Variants in RBMS2 observed in about 807,000 individuals in gnomAD.
RBMS2 encodes RNA binding motif single stranded interacting protein 2, also known as RNA-binding motif, single-stranded-interacting protein 2.
In RBMS2, 38 loss-of-function variants were observed where a neutral mutation model predicts 58.4. The observed-to-expected ratio is 0.65, with a 90% CI of 0.50 to 0.85. The LOEUF (loss-of-function observed/expected upper bound fraction) is 0.85. Ranked by LOEUF, RBMS2 falls within the 40% of genes least tolerant of loss-of-function variation. The pLI, the probability that RBMS2 is intolerant of heterozygous loss-of-function variation, is 0.00. For synonymous variants in RBMS2, 151 were observed against 180.7 expected (o/e 0.84, Z 1.32); for missense variants, 367 against 503.7 (o/e 0.73, Z 2.60).
chr12:56,588,531 C>A, intron 12 of RBMS2, 157 bp downstream of exon 12: 1 of 674,676 alleles, frequency 1.5e-6, no homozygotes, highest in Non-Finnish European at 2.6e-6. Flanking sequence ...CTCGCTTCGG[C>A]AGCATGCATA....
intron 2 of RBMS2, 93 bp downstream of exon 2, chr12:56,562,676 C>A: frequency 7.3e-7 from 1 of 1,366,692 alleles, no homozygotes; most frequent in Non-Finnish European, 1.0e-6. Flanking sequence ...TAGTCTTGAA[C>A]TCCTGGGCTC....
intron 1 of RBMS2, among the ~76,000 whole-genome samples, chr12:56,526,687 C>T (rs1365991363): frequency 9.3e-6 from 1 of 107,870 alleles, no homozygotes; most frequent in Non-Finnish European, 1.9e-5. Flanking sequence ...AAAAAAAAGG[C>T]TGAAGTAAAA....
At chr12:56,560,568 T>A (rs2136407468) in intron 1 of RBMS2, among the ~76,000 whole-genome samples, 1 of 152,208 alleles carries the variant, frequency 6.6e-6, no homozygotes, top group East Asian at 1.9e-4. Flanking sequence ...CTAATTTTTG[T>A]ATTTTTTGTA....
chr12:56,551,862 C>T (rs1878321041), intron 1 of RBMS2, among the ~76,000 whole-genome samples: 1 of 152,108 alleles, frequency 6.6e-6, no homozygotes, highest in Non-Finnish European at 1.5e-5. Flanking sequence ...CCGAGGTGGG[C>T]AGATCACCTG....
intron 1 of RBMS2, among the ~76,000 whole-genome samples, chr12:56,537,444 A>G (rs2657897): frequency 0.61 from 93,077 of 151,620 alleles, 28,993 homozygotes; most frequent in East Asian, 0.8. Flanking sequence ...GAATCATACA[A>G]TATTTTTGTG....
In RBMS2 at chr12:56,591,330, A is replaced by T. The variant is rs1004519237; in HGVS notation, c.*2197A>T. 2.0e-5 allele frequency: 3 copies of T among 152,146 alleles called. No homozygotes were observed. Among genetic ancestry groups the T allele is most frequent in the Non-Finnish European group, 4.4e-5 (3 of 68,078 alleles). The allele number at this position is 152,146 out of a possible 1,614,324, so 9.4% of individuals were successfully genotyped here. ...TTCCCTCCCTTCCCAGCCACCCTAG[A>T]ATTGAGAGTCCCAGTGCCCCTAGTG... On this transcript the variant is annotated 3_prime_UTR_variant, in exon 14 of 14. Transcript: ENST00000262031.
At chr12:56,562,250 TCTC>T (rs958072705) in intron 1 of RBMS2, among the ~76,000 whole-genome samples, 164 bp from the exon 2 acceptor site, 1 of 152,210 alleles carries the variant, frequency 6.6e-6, no homozygotes, top group African/African-American at 2.4e-5. Context: ...AATTTCTTCT[TCTC>T]TGCTAAAATA....
intron 2 of RBMS2, among the ~76,000 whole-genome samples, chr12:56,565,046 A>C (rs1292653356): frequency 1.3e-5 from 2 of 152,172 alleles, no homozygotes; most frequent in Non-Finnish European, 2.9e-5. Flanking sequence ...AAAATGGTGT[A>C]GTATTTGCAT....
At chr12:56,585,159 C>T (rs928227126) in intron 9 of RBMS2, among the ~76,000 whole-genome samples, 6 of 151,922 alleles carry the variant, frequency 3.9e-5, no homozygotes, top group Non-Finnish European at 5.9e-5. Context: ...TATTCTCTGT[C>T]TCTATACTGT....
At chr12:56,546,707 G>A (rs906565998) in intron 1 of RBMS2, among the ~76,000 whole-genome samples, 1 of 151,846 alleles carries the variant, frequency 6.6e-6, no homozygotes, top group African/African-American at 2.4e-5. Flanking sequence ...GGCCTCAAAT[G>A]ATCCGACTGC....
intron 5 of RBMS2, among the ~76,000 whole-genome samples, chr12:56,575,925 C>T (rs146473403): frequency 1.3e-5 from 2 of 152,042 alleles, no homozygotes; most frequent in East Asian, 3.9e-4. Context: ...AGTGGTCCCC[C>T]CTTATTTATG....
rs567913343 is a variant in RBMS2 at position 56,580,292 on chromosome 12, G to A, written c.543-892G>A. 108 of 420,296 alleles carry A rather than the reference G, an allele frequency of 2.6e-4. 1 individual carries two copies. Among genetic ancestry groups the A allele is most frequent in the South Asian group, 1.7e-3 (106 of 60,828 alleles). 26.0% of individuals were successfully genotyped at this position (420,296 alleles called of 1,614,324 possible). On this transcript the variant is annotated intron_variant, in intron 5 of 13. Transcript: ENST00000262031. ...CTGTTGCCCAGGCTGGAGTGCAATGGCGTGATCTCGACTCACTACAACCTC... is the reference window on the plus strand; with the variant it reads ...CTGTTGCCCAGGCTGGAGTGCAATGACGTGATCTCGACTCACTACAACCTC...
At chr12:56,546,631 C>G (rs1379661415) in intron 1 of RBMS2, among the ~76,000 whole-genome samples, 2 of 151,884 alleles carry the variant, frequency 1.3e-5, no homozygotes, top group Non-Finnish European at 2.9e-5. Flanking sequence ...CCGTGCCCAG[C>G]CTAGTTTTTG....
At chr12:56,524,968 T>C (rs979145917) in intron 1 of RBMS2, among the ~76,000 whole-genome samples, 3 of 152,064 alleles carry the variant, frequency 2.0e-5, no homozygotes, top group African/African-American at 7.2e-5. Flanking sequence ...GTAATCTGCC[T>C]GCCTCGGCCT....
At position 56,538,768 on chromosome 12, in the gene RBMS2, C is replaced by T. The variant is rs1400639339; in HGVS notation, c.66+16679C>T. On this transcript the variant is annotated intron_variant, in intron 1 of 13. Transcript: ENST00000262031. ...GTGCTGGGATTACAGGCGTGAGCCA[C>T]CGCACCTGGCCCTGATATCTTAACA... is the stretch of plus-strand genomic sequence containing the variant. 3.9e-5 allele frequency among the ~76,000 whole-genome samples: 6 copies of T among 152,118 alleles called. No individual in the cohort carries two copies. In the East Asian group the frequency reaches 1.2e-3, roughly 29 times the overall value.
At chr12:56,520,859 T>A (rs576041583), upstream of RBMS2, among the ~76,000 whole-genome samples, 7 of 152,124 alleles carry the variant, frequency 4.6e-5, no homozygotes, top group Non-Finnish European at 8.8e-5. Flanking sequence ...ATCTTAAAGA[T>A]GAGGAAATAG....
At chr12:56,580,614 T>C (rs559733905) in intron 5 of RBMS2, among the ~76,000 whole-genome samples, 32 of 152,340 alleles carry the variant, frequency 2.1e-4, no homozygotes, top group East Asian at 7.7e-4. Flanking sequence ...TTCTGATTCC[T>C]TATTTCTCTT....
At chr12:56,546,175 T>C (rs1877144302) in intron 1 of RBMS2, among the ~76,000 whole-genome samples, 1 of 150,874 alleles carries the variant, frequency 6.6e-6, no homozygotes, top group Admixed American at 6.6e-5. Flanking sequence ...TGGAGTGCAG[T>C]GGTGCGATCT....
chr12:56,538,026 A>AT (rs768649158), intron 1 of RBMS2, among the ~76,000 whole-genome samples: 3 of 24,472 alleles, frequency 1.2e-4, no homozygotes, highest in Non-Finnish European at 3.5e-4. Flanking sequence ...ATTTTATTTT[A>AT]TTTATTTATT....
Sources: gnomAD v4.1 joint callset for allele counts (sites outside exome capture counted in the v4.1 genomes callset) on GRCh38, gnomAD v4.1.1 for gene constraint, MANE v1.5 for transcripts, NCBI Gene and HGNC (gene_info 2026-07-23, HGNC 2026-07-21) for gene names.